The following UGT2B28 variants were observed in gnomAD, a reference collection of about 807,000 sequenced individuals.
UGT2B28 encodes the protein UDP glucuronosyltransferase family 2 member B28, also known as UDP-glucuronosyltransferase 2B28.
A neutral mutation model predicts 43.6 loss-of-function variants in UGT2B28; 45 were observed. That is an observed-to-expected ratio of 1.03 (90% CI 0.81 to 1.32). The LOEUF is 1.32. Among genes scored for constraint, UGT2B28 ranks in the 40% most tolerant of loss-of-function variants. The pLI, the probability that UGT2B28 is intolerant of heterozygous loss-of-function variation, is 0.00. For synonymous variants in UGT2B28, 204 were observed against 208.1 expected, an observed-to-expected ratio of 0.98 and a Z score of 0.17; for missense variants, 649 against 625.5, an observed-to-expected ratio of 1.04 and a Z score of -0.40.
At position 69,289,746 on chromosome 4, in the gene UGT2B28, C is replaced by A. The variant is rs909484551; in HGVS notation, c.1084C>A (p.Leu362Ile). The change falls in exon 4 of 6, where the codon CTT becomes ATT. Residue 362 changes from leucine (L) to isoleucine (I), a missense_variant. Leu to Ile is a conservative substitution (Grantham distance 5). Transcript: ENST00000335568. ...RLYKWIPQND[L>I]LGLPKTRAFI... Reference sequence around the variant, plus strand: ...GTATAAGTGGATACCCCAGAATGACCTTCTAGGTAACACTCTGGTGAACAA... The same window carrying A: ...GTATAAGTGGATACCCCAGAATGACATTCTAGGTAACACTCTGGTGAACAA... 6.4e-7 allele frequency: 1 copy of A among 1,551,286 alleles called. No homozygotes were observed. Among genetic ancestry groups the A allele is most frequent in the Non-Finnish European group, 8.7e-7 (1 of 1,151,106 alleles).
intron 2 of UGT2B28, among the ~76,000 whole-genome samples, 154 bp downstream of exon 2, chr4:69,282,816 T>C (rs1723657551): frequency 7.1e-6 from 1 of 141,030 alleles, no homozygotes; most frequent in Non-Finnish European, 1.5e-5. Context: ...ATGTATATGT[T>C]AATACCATCA....
Position 69,280,506 on chromosome 4 carries a change from T to C in UGT2B28, c.6T>C (p.Ala2=), listed in dbSNP as rs1723560865. 6.4e-7 allele frequency: 1 copy of C among 1,553,682 alleles called. No homozygotes were observed. Among genetic ancestry groups the C allele is most frequent in the Non-Finnish European group, 8.7e-7 (1 of 1,153,228 alleles). Residue 2 remains alanine, a synonymous_variant, in exon 1 of 6, where the codon GCT becomes GCC. Transcript: ENST00000335568. ...AATGATTGCATTGCACCAGGATGGC[T>C]CTGAAGTGGACTTCAGTTCTTCTGC... M[A]LKWTSVLLLI... is the part of the protein sequence containing the mutation.
At position 69,289,791 on chromosome 4, in the gene UGT2B28, C is replaced by A; in HGVS notation, c.1090+39C>A. On this transcript the variant is annotated intron_variant, in intron 4 of 5. Coordinates refer to ENST00000335568, the MANE Select transcript of UGT2B28 (RefSeq NM_053039.2). ...GAACAAATACTGGATATATTAGTAA[C>A]TGCACATTAGAATGTTAATAGTTTA... 1.4e-6 allele frequency: 2 copies of A among 1,448,628 alleles called. 1 individual carries two copies. The allele number at this position is 1,448,628 out of a possible 1,614,324, so 89.7% of individuals were successfully genotyped here.
chr4:69,284,228 C>T (rs1206839261), intron 2 of UGT2B28, among the ~76,000 whole-genome samples: 1 of 139,784 alleles, frequency 7.2e-6, no homozygotes, highest in Non-Finnish European at 1.5e-5. Context: ...ATTTCTACCA[C>T]TTGTATCTGA....
chr4:69,283,271 G>T (rs1723675023), intron 2 of UGT2B28, among the ~76,000 whole-genome samples: 1 of 138,864 alleles, frequency 7.2e-6, no homozygotes, highest in South Asian at 2.4e-4. Flanking sequence ...CAAGTCCTCA[G>T]GTTTTGTTTT....
At chr4:69,291,163 C>G (rs1723945234) in intron 5 of UGT2B28, among the ~76,000 whole-genome samples, 1 of 140,166 alleles carries the variant, frequency 7.1e-6, no homozygotes, top group Non-Finnish European at 1.5e-5. Context: ...TCTAAAATGA[C>G]TCAGAATATA....
chr4:69,280,899 T>A lies in UGT2B28; in HGVS notation c.399T>A (p.Asn133Lys), dbSNP rs762757826. The change falls in exon 1 of 6, where the codon AAT becomes AAA. Residue 133 changes from asparagine (N) to lysine (K), a missense_variant. Asn to Lys is a moderately conservative substitution (Grantham distance 94, BLOSUM62 0). Transcript: ENST00000335568. ...ACTTCTGTAAAGATGTAGTTTCAAA[T>A]AAGAAAGTTATGAAAAAACTACAAG... Reference protein sequence around the residue: ...FRNFCKDVVSNKKVMKKLQES... With the variant: ...FRNFCKDVVSKKKVMKKLQES... The A allele has an allele frequency of 2.6e-6, 4 of 1,557,892 alleles. 1 individual carries two copies. In the South Asian group the frequency reaches 4.8e-5, roughly 19 times the overall value.
Position 69,286,906 on chromosome 4 carries a change from T to C in UGT2B28, c.1002+23T>C, listed in dbSNP as rs755011304. The C allele has an allele frequency of 2.5e-5, 39 of 1,543,490 alleles. 5 individuals are homozygous for C. The East Asian group carries it at 6.8e-4, about 27-fold the overall frequency. On this transcript the variant is annotated intron_variant, in intron 3 of 5. Coordinates refer to ENST00000335568, the MANE Select transcript of UGT2B28 (RefSeq NM_053039.2). ...AAGGTAAGATAAAGTGCCTTACTGG[T>C]GTGGAAAACTACTGAAAGAGGCTGT... is the stretch of plus-strand genomic sequence containing the variant.
In UGT2B28 at chr4:69,280,892, T is replaced by A; in HGVS notation, c.392T>A (p.Val131Asp). The A allele has an allele frequency of 1.9e-6, 3 of 1,557,734 alleles. 1 individual carries two copies. In the South Asian group the frequency reaches 3.6e-5, roughly 19 times the overall value. Residue 131 changes from valine to aspartate, a missense_variant, in exon 1 of 6, where the codon GTT (valine) becomes GAT (aspartate). Transcript: ENST00000335568. ...DIFRNFCKDV[V>D]SNKKVMKKLQ... ...TTTAGAAACTTCTGTAAAGATGTAGTTTCAAATAAGAAAGTTATGAAAAAA... is the reference window on the plus strand; with the variant it reads ...TTTAGAAACTTCTGTAAAGATGTAGATTCAAATAAGAAAGTTATGAAAAAA...
intron 5 of UGT2B28, among the ~76,000 whole-genome samples, chr4:69,291,938 G>A (rs1486431839): frequency 7.2e-6 from 1 of 139,818 alleles, no homozygotes; most frequent in Non-Finnish European, 1.5e-5. Flanking sequence ...CTCTCATCCT[G>A]GTCTTGGATT....
intron 5 of UGT2B28, among the ~76,000 whole-genome samples, chr4:69,293,295 A>G (rs1724004195): frequency 7.1e-6 from 1 of 140,734 alleles, no homozygotes. Flanking sequence ...TTCTAGGCAG[A>G]TTGTGATAGC....
At chr4:69,285,266 T>C (rs1227095763) in intron 2 of UGT2B28, among the ~76,000 whole-genome samples, 1 of 140,716 alleles carries the variant, frequency 7.1e-6, no homozygotes, top group Non-Finnish European at 1.5e-5. Context: ...ATAATATCTC[T>C]AGGTAGAAAT....
rs1474895645 is a variant in UGT2B28, at chr4:69,284,138, G to T, written c.870+1476G>T. ...AAGCAACTCAGTAAAGCTTTCTGGG[G>T]GAACTTATCTCAACATCATAGGTGC... On this transcript the variant is annotated intron_variant, in intron 2 of 5. Transcript: ENST00000335568. Among the ~76,000 whole-genome samples the T allele has an allele frequency of 1.4e-5, 2 of 139,882 alleles. 1 individual carries two copies. The highest frequency in any genetic ancestry group is 1.4e-4 in the Admixed American group (2 of 13,942). The allele number at this position is 139,882 out of a possible 152,430, so 91.8% of individuals were successfully genotyped here.
At position 69,294,870 on chromosome 4, in the gene UGT2B28, C is replaced by A. The variant is rs1218090032; in HGVS notation, c.*61C>A. ...ATGGGTTGACATCAGTTTATTCCAG[C>A]AAGAAAGAAAAGATTGTTATGCAAG... On this transcript the variant is annotated 3_prime_UTR_variant, in exon 6 of 6. Transcript: ENST00000335568. 29 of 1,390,448 alleles carry A rather than the reference C, an allele frequency of 2.1e-5. No individual in the cohort carries two copies. Among genetic ancestry groups the A allele is most frequent in the Non-Finnish European group, 2.4e-5 (26 of 1,068,070 alleles). 86.1% of individuals were successfully genotyped at this position (1,390,448 alleles called of 1,614,324 possible).
intron 1 of UGT2B28, 68 bp downstream of exon 1, chr4:69,281,289 A>G (rs560802160): frequency 3.6e-6 from 5 of 1,406,062 alleles, no homozygotes; most frequent in East Asian, 2.4e-5. Context: ...GAGCTTATAT[A>G]AAGCCATAAA....
Position 69,280,731 on chromosome 4 carries a change from T to A in UGT2B28, c.231T>A (p.Tyr77Ter). Reference protein sequence around the residue: ...NDAFTLKLEVYPTSLTKTEFE... With the variant: ...NDAFTLKLEV ...CATTCACTCTTAAACTCGAAGTTTA[T>A]CCTACATCTTTAACTAAAACTGAAT... The change falls in exon 1 of 6, where the codon TAT becomes TAA. Residue 77 changes from tyrosine to a stop codon, truncating the protein, a stop_gained. Transcript: ENST00000335568. LOFTEE classifies it high-confidence loss of function. The A allele has an allele frequency of 4.5e-6, 7 of 1,561,108 alleles. 1 individual carries two copies. Among genetic ancestry groups the A allele is most frequent in the Non-Finnish European group, 6.1e-6 (7 of 1,156,048 alleles).
At chr4:69,287,362 GT>G (rs1723809422) in intron 3 of UGT2B28, among the ~76,000 whole-genome samples, 1 of 140,646 alleles carries the variant, frequency 7.1e-6, no homozygotes, top group Admixed American at 7.1e-5. Context: ...CTTCAAAGCT[GT>G]TTTCCTAATC....
chr4:69,294,990 T>G lies in UGT2B28; in HGVS notation c.*181T>G. On this transcript the variant is annotated 3_prime_UTR_variant, in exon 6 of 6. Coordinates refer to ENST00000335568, the MANE Select transcript of UGT2B28 (RefSeq NM_053039.2). ...CAGAGATTTACCACCCAGGTAATGG[T>G]TAGAAATATTCTGTGGCAATGAAGA... The G allele has an allele frequency of 1.3e-6, 1 of 772,594 alleles. No homozygotes were observed. Among genetic ancestry groups the G allele is most frequent in the South Asian group, 3.1e-5 (1 of 31,904 alleles). The allele number at this position is 772,594 out of a possible 1,614,324, so 47.9% of individuals were successfully genotyped here.
At chr4:69,286,043 C>A (rs1723764500) in intron 2 of UGT2B28, among the ~76,000 whole-genome samples, 1 of 141,364 alleles carries the variant, frequency 7.1e-6, no homozygotes. Flanking sequence ...ATAAACTCTA[C>A]AATTCTGTAT....
Sources: gnomAD v4.1 joint callset for allele counts (sites outside exome capture counted in the v4.1 genomes callset) on GRCh38, gnomAD v4.1.1 for gene constraint, MANE v1.5 for transcripts, NCBI Gene and HGNC (gene_info 2026-07-23, HGNC 2026-07-21) for gene names.